The following DNLZ variants were observed in gnomAD, a reference collection of about 807,000 sequenced individuals.
DNLZ encodes the protein DNL-type zinc finger protein.
DNLZ carries 15 observed loss-of-function variants against 7.8 expected under a neutral mutation model. That is an observed-to-expected ratio of 1.91 (90% CI 1.28 to 2.95). The LOEUF (loss-of-function observed/expected upper bound fraction) is 2.95, where lower values mean the gene tolerates loss of function less well. Ranked by LOEUF, DNLZ falls within the 30% of genes most tolerant of loss-of-function variation. The pLI is 0.00. For missense variants in DNLZ, 255 were observed against 167.3 expected (o/e 1.52, Z -2.89); for synonymous variants, 123 against 77.8 (o/e 1.58, Z -3.05).
In DNLZ at chr9:136,362,886, C is replaced by T. The variant is rs542685509; in HGVS notation, c.368+103G>A. On this transcript the variant is annotated intron_variant, in intron 2 of 2. Coordinates refer to ENST00000371738, the MANE Select transcript of DNLZ (RefSeq NM_001080849.3). ...TGTATTGATAAGGTGGCTGGATTTC[C>T]CAGGTGAGATCTATAAACCTCAACA... is the stretch of plus-strand genomic sequence containing the variant. 25 of 1,061,690 alleles carry T rather than the reference C, an allele frequency of 2.4e-5. No individual in the cohort carries two copies. The East Asian group carries it at 2.6e-4, about 11-fold the overall frequency. The allele number at this position is 1,061,690 out of a possible 1,614,324, so 65.8% of individuals were successfully genotyped here. A position where few individuals can be genotyped will look rare whatever the true frequency, so the allele number is the denominator to read the frequency against.
In DNLZ at chr9:136,361,402, G is replaced by A. The variant is rs1342682745; in HGVS notation, c.*610C>T. 1 of 152,320 alleles carries A rather than the reference G, an allele frequency of 6.6e-6. No homozygotes were observed. The highest frequency in any genetic ancestry group is 1.5e-5 in the Non-Finnish European group (1 of 68,088). 9.4% of individuals were successfully genotyped at this position (152,320 alleles called of 1,614,324 possible). A position where few individuals can be genotyped will look rare whatever the true frequency, so the allele number is the denominator to read the frequency against. On this transcript the variant is annotated 3_prime_UTR_variant, in exon 3 of 3. Transcript: ENST00000371738. ...ACCCCACACACCTCGGAGGGCCCTG[G>A]GGACGTCCAGAGCGCTGTCCACCGA...
chr9:136,363,726 G>T lies in DNLZ; in HGVS notation c.-12C>A, dbSNP rs932113857. On this transcript the variant is annotated 5_prime_UTR_variant, in exon 1 of 3. Coordinates refer to ENST00000371738, the MANE Select transcript of DNLZ (RefSeq NM_001080849.3). The stretch of plus-strand genomic sequence containing the variant: ...GCAGTCCGCAGCATCCCGCTCGCCG[G>T]CTCCGTCCGCCCTGCCCCGGCCCCG... 1.0e-4 allele frequency: 42 copies of T among 400,576 alleles called. No homozygotes were observed. Among genetic ancestry groups the T allele is most frequent in the Non-Finnish European group, 1.8e-4 (41 of 227,832 alleles). The allele number at this position is 400,576 out of a possible 1,614,324, so 24.8% of individuals were successfully genotyped here. A position where few individuals can be genotyped will look rare whatever the true frequency, so the allele number is the denominator to read the frequency against.
In DNLZ at chr9:136,361,925, A is replaced by G; in HGVS notation, c.*87T>C. 1 of 1,031,588 alleles carries G rather than the reference A, an allele frequency of 9.7e-7. No individual in the cohort carries two copies. Among genetic ancestry groups the G allele is most frequent in the Non-Finnish European group, 1.3e-6 (1 of 798,760 alleles). 63.9% of individuals were successfully genotyped at this position (1,031,588 alleles called of 1,614,324 possible). A position where few individuals can be genotyped will look rare whatever the true frequency, so the allele number is the denominator to read the frequency against. The stretch of plus-strand genomic sequence containing the variant: ...ATCTGGAAGTAATGTCTGTTTATTG[A>G]TAGAAAACAGGCCACGTCCAGAGAG... On this transcript the variant is annotated 3_prime_UTR_variant, in exon 3 of 3. Transcript: ENST00000371738.
chr9:136,362,045 A>G lies in DNLZ; in HGVS notation c.504T>C (p.Gly168=). 1.4e-6 allele frequency: 2 copies of G among 1,382,268 alleles called. No homozygotes were observed. The highest frequency in any genetic ancestry group is 1.9e-6 in the Non-Finnish European group (2 of 1,058,280). The allele number at this position is 1,382,268 out of a possible 1,614,324, so 85.6% of individuals were successfully genotyped here. Reference sequence around the variant, plus strand: ...GCTCCGTCTTGCCAGGGCTGGGGGGACCCTCATCCTCACCCGCTTCCGGAG... The same window carrying G: ...GCTCCGTCTTGCCAGGGCTGGGGGGGCCCTCATCCTCACCCGCTTCCGGAG... ...TAAPEAGEDE[G]PPSPGKTEPS The change falls in exon 3 of 3, where the codon GGT becomes GGC. Residue 168 remains glycine, a synonymous_variant. Coordinates refer to ENST00000371738, the MANE Select transcript of DNLZ (RefSeq NM_001080849.3).
Position 136,363,496 on chromosome 9 carries a change from G to A in DNLZ, c.219C>T (p.Tyr73=), listed in dbSNP as rs774752536. The A allele has an allele frequency of 1.8e-5, 14 of 760,402 alleles. No homozygotes were observed. Among genetic ancestry groups the A allele is most frequent in the East Asian group, 1.5e-4 (6 of 41,064 alleles). The allele number at this position is 760,402 out of a possible 1,614,324, so 47.1% of individuals were successfully genotyped here. A position where few individuals can be genotyped will look rare whatever the true frequency, so the allele number is the denominator to read the frequency against. ...CCCGCCGCGCGCCTACCTTGCAGGT[G>A]TAGACGAGCTGGTAGTGCGCCGCCT... The part of the protein sequence containing the change: ...RVEAAHYQLV[Y]TCKVCGTRSS... Residue 73 remains tyrosine, a synonymous_variant, in exon 1 of 3, where the codon TAC becomes TAT. Transcript: ENST00000371738.
chr9:136,363,451 G>A (rs140876101), intron 1 of DNLZ, 36 bp downstream of exon 1: 21,550 of 762,194 alleles, frequency 0.028, 411 homozygotes, highest in Non-Finnish European at 0.041. Context: ...CGTCAGATAC[G>A]GGTCTGTCCC....
chr9:136,362,799 G>A (rs1833004523), intron 2 of DNLZ, among the ~76,000 whole-genome samples, 190 bp downstream of exon 2: 1 of 152,222 alleles, frequency 6.6e-6, no homozygotes, highest in Admixed American at 6.5e-5. Context: ...CCCTACTTGG[G>A]GCATACTTAA....
intron 2 of DNLZ, 126 bp from the exon 3 acceptor site, chr9:136,362,306 G>A: frequency 1.2e-6 from 1 of 820,066 alleles, no homozygotes; most frequent in Non-Finnish European, 1.7e-6. Flanking sequence ...TGTGGCATCA[G>A]GCCACACGGG....
intron 2 of DNLZ, 71 bp downstream of exon 2, chr9:136,362,918 C>A (rs949253570): frequency 6.8e-7 from 1 of 1,472,242 alleles, no homozygotes; most frequent in African/African-American, 1.4e-5. Context: ...AACACTAGGG[C>A]AAGGTTCCCC....
In DNLZ at chr9:136,360,926, A is replaced by G. The variant is rs1433391349; in HGVS notation, c.*1086T>C. 6.6e-6 allele frequency: 1 copy of G among 152,212 alleles called. No homozygotes were observed. The highest frequency in any genetic ancestry group is 2.4e-5 in the African/African-American group (1 of 41,428). 9.4% of individuals were successfully genotyped at this position (152,212 alleles called of 1,614,324 possible). ...GCCCCACTGCACTTCCAAGCCCCCA[A>G]GAGACCCCCAGCCAGTGCCTCCATG... On this transcript the variant is annotated 3_prime_UTR_variant, in exon 3 of 3. Coordinates refer to ENST00000371738, the MANE Select transcript of DNLZ (RefSeq NM_001080849.3).
chr9:136,363,702 C>G lies in DNLZ; in HGVS notation c.13G>C (p.Ala5Pro), dbSNP rs369232575. The change falls in exon 1 of 3, where the codon GCG becomes CCG. Residue 5 changes from alanine (A) to proline (P), a missense_variant. Ala to Pro is a conservative substitution (Grantham distance 27, BLOSUM62 -1). Coordinates refer to ENST00000371738, the MANE Select transcript of DNLZ (RefSeq NM_001080849.3). ...AGCAACCTCGGCGCGCCGCGCAGCG[C>G]AGTCCGCAGCATCCCGCTCGCCGGC... MLRT[A>P]LRGAPRLLSR... 4.1e-5 allele frequency: 19 copies of G among 459,258 alleles called. No individual in the cohort carries two copies. Among genetic ancestry groups the G allele is most frequent in the East Asian group, 3.2e-4 (8 of 25,218 alleles). 28.4% of individuals were successfully genotyped at this position (459,258 alleles called of 1,614,324 possible). A position where few individuals can be genotyped will look rare whatever the true frequency, so the allele number is the denominator to read the frequency against.
chr9:136,363,142 G>T lies in DNLZ; in HGVS notation c.229-14C>A. ...AGTCCCGCAGACCTGGCTGGGACAGGGTAGCTGGTGAGGCTGTGAGGGCCG... is the reference window on the plus strand; with the variant it reads ...AGTCCCGCAGACCTGGCTGGGACAGTGTAGCTGGTGAGGCTGTGAGGGCCG... On this transcript the variant is annotated splice_polypyrimidine_tract_variant and intron_variant, in intron 1 of 2. Transcript: ENST00000371738. The T allele has an allele frequency of 6.2e-7, 1 of 1,612,404 alleles. No individual in the cohort carries two copies. The highest frequency in any genetic ancestry group is 8.5e-7 in the Non-Finnish European group (1 of 1,179,522).
chr9:136,361,894 C>T lies in DNLZ; in HGVS notation c.*118G>A. On this transcript the variant is annotated 3_prime_UTR_variant, in exon 3 of 3. Transcript: ENST00000371738. ...AAGAAAGGCCACGAGGGCCACAGGC[C>T]CCAGCATCTGGAAGTAATGTCTGTT... The T allele has an allele frequency of 3.9e-6, 3 of 774,536 alleles. No individual in the cohort carries two copies. Among genetic ancestry groups the T allele is most frequent in the Non-Finnish European group, 5.3e-6 (3 of 567,034 alleles). The allele number at this position is 774,536 out of a possible 1,614,324, so 48.0% of individuals were successfully genotyped here. A position where few individuals can be genotyped will look rare whatever the true frequency, so the allele number is the denominator to read the frequency against.
rs1337525991 is a variant in DNLZ, at chr9:136,363,081, G to T, written c.276C>A (p.His92Gln). 1.2e-5 allele frequency: 20 copies of T among 1,613,580 alleles called. No homozygotes were observed. In the East Asian group the frequency reaches 4.5e-4, roughly 36 times the overall value. ...SSKRISKLAY[H>Q]QGVVIVTCPG... is the part of the protein sequence containing the mutation. ...GGCAGGTCACAATGACCACGCCTTG[G>T]TGATAGGCCAGCTTGGAGATGCGCT... The change falls in exon 2 of 3, where the codon CAC becomes CAA. Residue 92 changes from histidine (H) to glutamine (Q), a missense_variant. By Grantham distance (24) the His-to-Gln change is conservative (BLOSUM62 0). Transcript: ENST00000371738.
rs1287276341 is a variant in DNLZ at position 136,363,743 on chromosome 9, C to T, written c.-29G>A. The T allele has an allele frequency of 1.4e-5, 7 of 484,026 alleles. No individual in the cohort carries two copies. The highest frequency in any genetic ancestry group is 2.5e-5 in the Non-Finnish European group (7 of 280,202). 30.0% of individuals were successfully genotyped at this position (484,026 alleles called of 1,614,324 possible). A position where few individuals can be genotyped will look rare whatever the true frequency, so the allele number is the denominator to read the frequency against. Reference sequence around the variant, plus strand: ...GCTCGCCGGCTCCGTCCGCCCTGCCCCGGCCCCGCCCCGCCGCCATCTTGG... The same window carrying T: ...GCTCGCCGGCTCCGTCCGCCCTGCCTCGGCCCCGCCCCGCCGCCATCTTGG... On this transcript the variant is annotated 5_prime_UTR_variant, in exon 1 of 3. Transcript: ENST00000371738.
chr9:136,363,112 G>A lies in DNLZ; in HGVS notation c.245C>T (p.Ser82Phe), dbSNP rs1481514075. The A allele has an allele frequency of 1.9e-6, 3 of 1,613,288 alleles. No homozygotes were observed. Among genetic ancestry groups the A allele is most frequent in the African/African-American group, 1.3e-5 (1 of 74,924 alleles). Residue 82 changes from serine (S) to phenylalanine (F), a missense_variant, in exon 2 of 3, where the codon TCC (serine) becomes TTC (phenylalanine). Coordinates refer to ENST00000371738, the MANE Select transcript of DNLZ (RefSeq NM_001080849.3). ...VYTCKVCGTR[S>F]SKRISKLAYH... is the part of the protein sequence containing the mutation. Reference sequence around the variant, plus strand: ...GGCCAGCTTGGAGATGCGCTTGGAGGACCTAGTCCCGCAGACCTGGCTGGG... The same window carrying A: ...GGCCAGCTTGGAGATGCGCTTGGAGAACCTAGTCCCGCAGACCTGGCTGGG...
Position 136,363,670 on chromosome 9 carries a change from G to T in DNLZ, c.45C>A (p.Arg15=). The T allele has an allele frequency of 2.5e-6, 1 of 405,096 alleles. No individual in the cohort carries two copies. The highest frequency in any genetic ancestry group is 4.8e-5 in the Admixed American group (1 of 20,810). The allele number at this position is 405,096 out of a possible 1,614,324, so 25.1% of individuals were successfully genotyped here. A position where few individuals can be genotyped will look rare whatever the true frequency, so the allele number is the denominator to read the frequency against. ...TCAGGCAGGGCGCCCGGGGCTGCAC[G>T]CGACTCAGCAACCTCGGCGCGCCGC... ...ALRGAPRLLS[R]VQPRAPCLRR... is the part of the protein sequence containing the mutation. The change falls in exon 1 of 3, where the codon CGC becomes CGA. Residue 15 remains arginine, a synonymous_variant. Transcript: ENST00000371738.
chr9:136,363,026 C>T lies in DNLZ; in HGVS notation c.331G>A (p.Asp111Asn). 1 of 1,613,814 alleles carries T rather than the reference C, an allele frequency of 6.2e-7. No homozygotes were observed. Among genetic ancestry groups the T allele is most frequent in the Non-Finnish European group, 8.5e-7 (1 of 1,179,982 alleles). Reference protein sequence around the residue: ...PGCQNHHIIADNLGWFSDLNG... With the variant: ...PGCQNHHIIANNLGWFSDLNG... ...AGGTCCGAGAACCAGCCCAGGTTGTCAGCGATGATATGGTGGTTCTGGCAG... is the reference window on the plus strand; with the variant it reads ...AGGTCCGAGAACCAGCCCAGGTTGTTAGCGATGATATGGTGGTTCTGGCAG... Residue 111 changes from aspartate (D) to asparagine (N), a missense_variant, in exon 2 of 3, where the codon GAC becomes AAC. Transcript: ENST00000371738.
At position 136,361,559 on chromosome 9, in the gene DNLZ, C is replaced by T. The variant is rs911109550; in HGVS notation, c.*453G>A. The T allele has an allele frequency of 2.1e-4, 33 of 156,274 alleles. No homozygotes were observed. The highest frequency in any genetic ancestry group is 7.5e-4 in the East Asian group (4 of 5,344). The allele number at this position is 156,274 out of a possible 1,614,324, so 9.7% of individuals were successfully genotyped here. Reference sequence around the variant, plus strand: ...CACTGTTTCGCCGACGGCCGGCGGCCGAGGACCAGGGCTCAGGTCTGCACT... The same window carrying T: ...CACTGTTTCGCCGACGGCCGGCGGCTGAGGACCAGGGCTCAGGTCTGCACT... On this transcript the variant is annotated 3_prime_UTR_variant, in exon 3 of 3. Coordinates refer to ENST00000371738, the MANE Select transcript of DNLZ (RefSeq NM_001080849.3).
Sources: gnomAD v4.1 joint callset for allele counts (sites outside exome capture counted in the v4.1 genomes callset) on GRCh38, gnomAD v4.1.1 for gene constraint, MANE v1.5 for transcripts, NCBI Gene and HGNC (gene_info 2026-07-23, HGNC 2026-07-21) for gene names.